The following SPEF2 variants were observed in gnomAD, a reference collection of about 807,000 sequenced individuals.
The protein encoded by SPEF2 is sperm flagella and cilia-associated protein 2.
A neutral mutation model predicts 224.6 loss-of-function variants in SPEF2; 187 were observed. The observed-to-expected ratio is 0.83, with a 90% CI of 0.74 to 0.94. The LOEUF is 0.94. SPEF2 is among the 40% of genes least tolerant of loss of function. The pLI, the probability that SPEF2 is intolerant of heterozygous loss-of-function variation, is 0.00. For synonymous variants in SPEF2, 715 were observed against 707.3 expected (o/e 1.01, Z -0.17); for missense variants, 2,170 against 2,135.6 (o/e 1.02, Z -0.32).
intron 25 of SPEF2, among the ~76,000 whole-genome samples, chr5:35,760,107 A>G (rs1751025532): frequency 6.6e-6 from 1 of 152,136 alleles, no homozygotes; most frequent in South Asian, 2.1e-4. Context: ...CACACCTGTA[A>G]TCCCAGCACT....
chr5:35,758,626 T>A (rs1313149438), intron 24 of SPEF2, among the ~76,000 whole-genome samples: 1 of 152,128 alleles, frequency 6.6e-6, no homozygotes, highest in East Asian at 1.9e-4. Flanking sequence ...GCAGAAGGGT[T>A]TAGCCGTGAG....
chr5:35,740,417 G>A, intron 23 of SPEF2, 150 bp downstream of exon 23: 5 of 1,045,860 alleles, frequency 4.8e-6, no homozygotes, highest in Non-Finnish European at 6.9e-6. Flanking sequence ...TTCAAGAGCA[G>A]TGGCTTTTCC....
chr5:35,738,621 C>T (rs1747063226), intron 21 of SPEF2, among the ~76,000 whole-genome samples: 1 of 150,194 alleles, frequency 6.7e-6, no homozygotes, highest in Non-Finnish European at 1.5e-5. Context: ...TGCCGCTAAT[C>T]TGGGCACAAT....
Position 35,667,212 on chromosome 5 carries a change from A to G in SPEF2, c.1308A>G (p.Ile436Met). The change falls in exon 9 of 37, where the codon ATA becomes ATG. Residue 436 changes from isoleucine to methionine, a missense_variant. By Grantham distance (10) the Ile-to-Met change is conservative. Coordinates refer to ENST00000356031, the MANE Select transcript of SPEF2 (RefSeq NM_024867.4). ...TATGTGCAGAAATTTTGGATCAAAT[A>G]GTTGATTTGTCCACTAAAGTGGCAG... The part of the protein sequence containing the change: ...YSVCAEILDQ[I>M]VDLSTKVADY... 1 of 1,608,160 alleles carries G rather than the reference A, an allele frequency of 6.2e-7. No homozygotes were observed. The highest frequency in any genetic ancestry group is 8.5e-7 in the Non-Finnish European group (1 of 1,176,616).
At chr5:35,723,330 G>T (rs909065488) in intron 20 of SPEF2, among the ~76,000 whole-genome samples, 3 of 152,188 alleles carry the variant, frequency 2.0e-5, no homozygotes, top group African/African-American at 7.2e-5. Flanking sequence ...ATCTGCATCT[G>T]CATCACCTGG....
Position 35,792,429 on chromosome 5 carries a change from C to G in SPEF2, c.4537C>G (p.His1513Asp). 6.2e-7 allele frequency: 1 copy of G among 1,613,640 alleles called. No individual in the cohort carries two copies. Among genetic ancestry groups the G allele is most frequent in the Non-Finnish European group, 8.5e-7 (1 of 1,179,714 alleles). The change falls in exon 31 of 37, where the codon CAC becomes GAC. Residue 1513 changes from histidine to aspartate, a missense_variant. Physicochemically the swap from His to Asp is moderately conservative, Grantham distance 81 (BLOSUM62 -1). Transcript: ENST00000356031. ...GTNNFPSNWM[H>D]LTQPELQELT... ...AAACAACTTTCCTAGTAATTGGATG[C>G]ACCTTACCCAACCTGAAGTAAGCTT...
chr5:35,691,190 G>A lies in SPEF2; in HGVS notation c.1678G>A (p.Val560Ile). ...AACACCTGAATTACCTTCATTTGCTGTTAAAGGATGCTTATTGGGGAAAAC... is the reference window on the plus strand; with the variant it reads ...AACACCTGAATTACCTTCATTTGCTATTAAAGGATGCTTATTGGGGAAAAC... ...STTPELPSFA[V>I]KGCLLGKTLS... Residue 560 changes from valine (V) to isoleucine (I), a missense_variant, in exon 11 of 37, where the codon GTT (valine) becomes ATT (isoleucine). Physicochemically the swap from Val to Ile is conservative, Grantham distance 29. Coordinates refer to ENST00000356031, the MANE Select transcript of SPEF2 (RefSeq NM_024867.4). 6.2e-7 allele frequency: 1 copy of A among 1,614,000 alleles called. No homozygotes were observed. The highest frequency in any genetic ancestry group is 8.5e-7 in the Non-Finnish European group (1 of 1,179,970).
intron 8 of SPEF2, among the ~76,000 whole-genome samples, chr5:35,663,838 G>A (rs1750058354): frequency 6.6e-6 from 1 of 152,160 alleles, no homozygotes; most frequent in Non-Finnish European, 1.5e-5. Context: ...ACAGTCATCA[G>A]GTGCAAGCCC....
intron 26 of SPEF2, among the ~76,000 whole-genome samples, chr5:35,769,383 A>T (rs1183392405): frequency 6.6e-6 from 1 of 152,134 alleles, no homozygotes; most frequent in East Asian, 1.9e-4. Flanking sequence ...CTGATAAAAA[A>T]AAGAAAGAAA....
chr5:35,649,537 C>T, intron 6 of SPEF2, 112 bp downstream of exon 6: 1 of 747,680 alleles, frequency 1.3e-6, no homozygotes. Context: ...CTTTTCACTC[C>T]AAAGAATCTT....
At chr5:35,792,516 A>C (rs1209888672) in intron 31 of SPEF2, 70 bp downstream of exon 31, 1 of 1,269,568 alleles carries the variant, frequency 7.9e-7, no homozygotes, top group African/African-American at 1.5e-5. Flanking sequence ...CAATAGTTCT[A>C]AAATAATGAG....
At chr5:35,642,670 A>G (rs1746768784) in intron 3 of SPEF2, among the ~76,000 whole-genome samples, 2 of 152,220 alleles carry the variant, frequency 1.3e-5, no homozygotes, top group Non-Finnish European at 1.5e-5. Context: ...CTTATGGTAA[A>G]TGAAGTGCAT....
chr5:35,624,368 C>T (rs1743927765), intron 1 of SPEF2, among the ~76,000 whole-genome samples: 1 of 152,106 alleles, frequency 6.6e-6, no homozygotes, highest in South Asian at 2.1e-4. Flanking sequence ...GGTTTATTTA[C>T]TTATCATATT....
chr5:35,813,844 C>A (rs993337145), intron 36 of SPEF2, among the ~76,000 whole-genome samples: 1 of 146,532 alleles, frequency 6.8e-6, no homozygotes, highest in African/African-American at 2.5e-5. Flanking sequence ...AAAAAAAAAA[C>A]CTAAAAGCTA....
chr5:35,779,430 C>T (rs1450073608), intron 30 of SPEF2, 84 bp downstream of exon 30: 46 of 1,004,400 alleles, frequency 4.6e-5, no homozygotes, highest in Non-Finnish European at 2.8e-5. Flanking sequence ...CAAGTAAAAT[C>T]AGCTCTATGG....
intron 13 of SPEF2, among the ~76,000 whole-genome samples, 162 bp from the exon 14 acceptor site, chr5:35,695,573 A>G (rs756015317): frequency 1.1e-4 from 16 of 152,134 alleles, no homozygotes; most frequent in Admixed American, 7.2e-4. Context: ...GAGTGAAGGT[A>G]AAAGCTATGC....
rs10058349 is a variant in SPEF2, at chr5:35,704,790, G to A, written c.2507+128G>A. On this transcript the variant is annotated intron_variant, in intron 17 of 36. Coordinates refer to ENST00000356031, the MANE Select transcript of SPEF2 (RefSeq NM_024867.4). The stretch of plus-strand genomic sequence containing the variant: ...ATTCAATCTTTTACAGGTAAAAGAA[G>A]ACTAAGTAGTTTTGACAATAAGTGA... The A allele has an allele frequency of 0.53, 334,741 of 636,636 alleles. 90,732 individuals are homozygous for A. The highest frequency in any genetic ancestry group is 0.59 in the Middle Eastern group (1,803 of 3,060). 39.4% of individuals were successfully genotyped at this position (636,636 alleles called of 1,614,324 possible). A position where few individuals can be genotyped will look rare whatever the true frequency, so the allele number is the denominator to read the frequency against.
At chr5:35,674,533 C>T (rs1204049703) in intron 10 of SPEF2, among the ~76,000 whole-genome samples, 2 of 113,110 alleles carry the variant, frequency 1.8e-5, no homozygotes, top group Admixed American at 2.1e-4. Context: ...CCCCCTCCCC[C>T]GACCCCAAAA....
chr5:35,684,665 A>G (rs1171183157), intron 10 of SPEF2, among the ~76,000 whole-genome samples: 2 of 152,182 alleles, frequency 1.3e-5, no homozygotes, highest in Admixed American at 1.3e-4. Flanking sequence ...CTTTACAACA[A>G]TCTGGTGAAA....
Sources: allele counts gnomAD v4.1 joint callset (sites outside exome capture counted in the v4.1 genomes callset), GRCh38; gene constraint gnomAD v4.1.1; transcripts MANE v1.5; gene names NCBI Gene and HGNC (gene_info 2026-07-23, HGNC 2026-07-21).